FHIT: variants seen among roughly 807,000 people sequenced by gnomAD.
FHIT encodes the protein fragile histidine triad diadenosine triphosphatase.
FHIT carries 19 observed loss-of-function variants against 17.9 expected under a neutral mutation model. The observed-to-expected ratio is 1.06, with a 90% CI of 0.74 to 1.56. The LOEUF is 1.56. Among genes scored for constraint, FHIT ranks in the 40% most tolerant of loss-of-function variants. FHIT has a pLI of 0.00. For synonymous variants in FHIT, 81 were observed against 69.7 expected (o/e 1.16, Z -0.81); for missense variants, 248 against 189.2 (o/e 1.31, Z -1.82).
chr3:60,118,517 G>A (rs1322441641), intron 5 of FHIT, among the ~76,000 whole-genome samples: 2 of 151,934 alleles, frequency 1.3e-5, no homozygotes, highest in Non-Finnish European at 2.9e-5. Context: ...ACTGACAGTA[G>A]GGAGGCATAA....
At chr3:60,725,956 T>C (rs1282114717) in intron 4 of FHIT, among the ~76,000 whole-genome samples, 13 of 152,020 alleles carry the variant, frequency 8.6e-5, no homozygotes, top group African/African-American at 2.7e-4. Context: ...CCTTAGGTCA[T>C]AGAACAAGCA....
intron 4 of FHIT, among the ~76,000 whole-genome samples, chr3:60,674,036 A>G (rs1050348035): frequency 4.3e-5 from 6 of 140,004 alleles, no homozygotes; most frequent in Admixed American, 4.2e-4. Flanking sequence ...CTCAAATTGT[A>G]CAAATGTTAG....
At chr3:60,675,121 T>C (rs1553694923) in intron 4 of FHIT, among the ~76,000 whole-genome samples, 1 of 152,228 alleles carries the variant, frequency 6.6e-6, no homozygotes. Flanking sequence ...GTCACAGCCC[T>C]GCATTGCCTG....
intron 4 of FHIT, among the ~76,000 whole-genome samples, chr3:60,756,892 A>G (rs1699444780): frequency 6.6e-6 from 1 of 152,210 alleles, no homozygotes; most frequent in South Asian, 2.1e-4. Flanking sequence ...TAAGTCACCC[A>G]AAAAGTCAGC....
chr3:59,956,892 A>C (rs1707430759), intron 7 of FHIT, among the ~76,000 whole-genome samples: 1 of 152,238 alleles, frequency 6.6e-6, no homozygotes, highest in Non-Finnish European at 1.5e-5. Flanking sequence ...TTCTGCTTAA[A>C]GCACTCTCCA....
At chr3:59,966,672 TA>T (rs1707940483) in intron 7 of FHIT, among the ~76,000 whole-genome samples, 1 of 152,178 alleles carries the variant, frequency 6.6e-6, no homozygotes, top group South Asian at 2.1e-4. Context: ...AACTATGGTA[TA>T]AAAGATAAGA....
chr3:60,263,221 A>C (rs973608580), intron 5 of FHIT, among the ~76,000 whole-genome samples: 1 of 152,020 alleles, frequency 6.6e-6, no homozygotes, highest in Non-Finnish European at 1.5e-5. Context: ...GATTGGCAGC[A>C]ATTAAGAACT....
chr3:60,937,244 AAGAGTTCTTAGT>A (rs1553773318), intron 3 of FHIT, among the ~76,000 whole-genome samples: 1 of 152,240 alleles, frequency 6.6e-6, no homozygotes, highest in Non-Finnish European at 1.5e-5. Flanking sequence ...AAGCTAATGT[AAGAGTTCTTAGT>A]AGGAATGATC....
intron 5 of FHIT, among the ~76,000 whole-genome samples, chr3:60,132,123 G>A (rs963927643): frequency 6.6e-6 from 1 of 152,114 alleles, no homozygotes. Flanking sequence ...CCCTCCTCCA[G>A]AGAGCTTTCC....
intron 4 of FHIT, among the ~76,000 whole-genome samples, chr3:60,742,459 C>G: frequency 6.6e-6 from 1 of 152,170 alleles, no homozygotes; most frequent in Non-Finnish European, 1.5e-5. Context: ...GATTAAAAGT[C>G]TCTCCCAATA....
At position 61,111,514 on chromosome 3, in the gene FHIT, G is replaced by A. The variant is rs1053396199; in HGVS notation, c.-163-69415C>T. 2.6e-5 allele frequency among the ~76,000 whole-genome samples: 4 copies of A among 152,170 alleles called. No individual in the cohort carries two copies. In the South Asian group the frequency reaches 8.3e-4, roughly 32 times the overall value. On this transcript the variant is annotated intron_variant, in intron 2 of 9. Transcript: ENST00000492590. ...GAGCAGAGTACCTGACACATCACAG[G>A]CACTCACGTGCATTTGCTGCGTGGA... is the stretch of plus-strand genomic sequence containing the variant.
At chr3:60,170,800 G>A (rs903935588) in intron 5 of FHIT, among the ~76,000 whole-genome samples, 2 of 152,102 alleles carry the variant, frequency 1.3e-5, no homozygotes, top group Admixed American at 6.5e-5. Flanking sequence ...AGTTATTTAT[G>A]AACAGGTAAT....
chr3:60,988,680 G>C (rs754678110), intron 3 of FHIT, among the ~76,000 whole-genome samples: 2 of 152,076 alleles, frequency 1.3e-5, no homozygotes, highest in Admixed American at 6.5e-5. Context: ...TGGGAACCTG[G>C]AGGCCTGTTC....
chr3:60,505,946 A>T (rs1178346120), intron 5 of FHIT, among the ~76,000 whole-genome samples: 2 of 152,004 alleles, frequency 1.3e-5, no homozygotes, highest in Non-Finnish European at 2.9e-5. Flanking sequence ...ATGCCAACCC[A>T]CCTCTGCTTT....
intron 5 of FHIT, among the ~76,000 whole-genome samples, chr3:60,309,355 TG>T (rs1247941059): frequency 6.6e-6 from 1 of 152,004 alleles, no homozygotes; most frequent in African/African-American, 2.4e-5. Context: ...TCTGACACTT[TG>T]GTATATTAAA....
intron 5 of FHIT, among the ~76,000 whole-genome samples, chr3:60,058,078 G>C (rs1575996999): frequency 6.6e-6 from 1 of 151,336 alleles, no homozygotes; most frequent in Non-Finnish European, 1.5e-5. Flanking sequence ...CTGGGGGAGG[G>C]AGAAAGTAGT....
chr3:59,909,245 G>T (rs920322220), intron 8 of FHIT, among the ~76,000 whole-genome samples: 2 of 151,992 alleles, frequency 1.3e-5, no homozygotes, highest in African/African-American at 4.8e-5. Flanking sequence ...TGCTGGCCAG[G>T]CTGATCTGGA....
chr3:61,030,715 G>C (rs2032970183), intron 3 of FHIT, among the ~76,000 whole-genome samples: 1 of 152,208 alleles, frequency 6.6e-6, no homozygotes, highest in Non-Finnish European at 1.5e-5. Flanking sequence ...AGCAGCCTTA[G>C]AGGGATCAGG....
chr3:60,321,086 T>G (rs1709405896), intron 5 of FHIT, among the ~76,000 whole-genome samples: 1 of 152,202 alleles, frequency 6.6e-6, no homozygotes, highest in Non-Finnish European at 1.5e-5. Context: ...TTCTCTCCTT[T>G]GTGGAGGCTC....
Sources: gnomAD v4.1 joint callset for allele counts (sites outside exome capture counted in the v4.1 genomes callset) on GRCh38, gnomAD v4.1.1 for gene constraint, MANE v1.5 for transcripts, NCBI Gene and HGNC (gene_info 2026-07-23, HGNC 2026-07-21) for gene names.